Variants in SEMA3A observed in about 807,000 individuals in gnomAD.
SEMA3A encodes semaphorin-3A.
SEMA3A carries 29 observed loss-of-function variants against 97.9 expected under a neutral mutation model. The observed-to-expected ratio is 0.30, with a 90% CI of 0.22 to 0.40. The LOEUF is 0.40. SEMA3A is among the 10% of genes least tolerant of loss of function. The probability of loss-of-function intolerance (pLI) is 1.00; values close to 1 mark genes in which losing one functional copy is unlikely to be tolerated. For synonymous variants in SEMA3A, 321 were observed against 323.7 expected (o/e 0.99, Z 0.09); for missense variants, 763 against 951.3 (o/e 0.80, Z 2.60).
chr7:84,281,702 A>G (rs79261620), intron 3 of SEMA3A, among the ~76,000 whole-genome samples: 4,161 of 152,258 alleles, frequency 0.027, 195 homozygotes, highest in African/African-American at 0.094. Context: ...CAGTAGGTTC[A>G]AATTCCATCT....
intron 1 of SEMA3A, among the ~76,000 whole-genome samples, chr7:84,400,035 A>C (rs140599772): frequency 2.0e-5 from 3 of 152,304 alleles, no homozygotes; most frequent in Non-Finnish European, 2.9e-5. Flanking sequence ...AGGGCTGGGC[A>C]TTTAGGAGTC....
At chr7:84,349,853 T>A (rs528320904) in intron 2 of SEMA3A, among the ~76,000 whole-genome samples, 1 of 152,278 alleles carries the variant, frequency 6.6e-6, no homozygotes, top group South Asian at 2.1e-4. Context: ...CTCATATATA[T>A]CTATGACTTC....
chr7:84,463,163 C>T (rs1178037752), intron 1 of SEMA3A, among the ~76,000 whole-genome samples: 3 of 149,858 alleles, frequency 2.0e-5, no homozygotes, highest in Admixed American at 6.6e-5. Context: ...CTACATTCTG[C>T]GTGCATTATT....
At chr7:84,424,343 A>C (rs1301305751) in intron 1 of SEMA3A, among the ~76,000 whole-genome samples, 1 of 141,286 alleles carries the variant, frequency 7.1e-6, no homozygotes, top group Non-Finnish European at 1.5e-5. Flanking sequence ...TATACAATAA[A>C]TATTATATAT....
rs555689325 is a variant in SEMA3A at position 84,110,693 on chromosome 7, C to CT, written c.334-105dup. On this transcript the variant is annotated intron_variant, in intron 3 of 16. Coordinates refer to ENST00000265362, the MANE Select transcript of SEMA3A (RefSeq NM_006080.3). ...AACAGATTTGTCTTTTGTTTTCTTTCTTTTTTTTTTTTTGGCATCCCTTTC... is the reference window on the plus strand; with the variant it reads ...AACAGATTTGTCTTTTGTTTTCTTTCTTTTTTTTTTTTTTGGCATCCCTTTC... 19,640 of 1,047,596 alleles carry CT rather than the reference C, an allele frequency of 0.019. 112 individuals are homozygous for CT. Among genetic ancestry groups the CT allele is most frequent in the African/African-American group, 0.083 (4,747 of 57,336 alleles). 64.9% of individuals were successfully genotyped at this position (1,047,596 alleles called of 1,614,324 possible). A position where few individuals can be genotyped will look rare whatever the true frequency, so the allele number is the denominator to read the frequency against.
intron 1 of SEMA3A, chr7:84,489,130 A>G (rs116577092): frequency 0.023 from 3,549 of 152,484 alleles, 147 homozygotes; most frequent in East Asian, 0.16. Flanking sequence ...CAGGAAGCTT[A>G]CAATAATGGC....
chr7:84,256,071 T>C (rs1799714507), intron 3 of SEMA3A, among the ~76,000 whole-genome samples: 1 of 152,078 alleles, frequency 6.6e-6, no homozygotes, highest in Non-Finnish European at 1.5e-5. Context: ...CACTTAAGTC[T>C]CTGTATGTTT....
At chr7:84,203,182 T>C (rs1798396357) in intron 3 of SEMA3A, among the ~76,000 whole-genome samples, 1 of 152,094 alleles carries the variant, frequency 6.6e-6, no homozygotes. Context: ...AAGCCTTGCA[T>C]AATACATCAC....
At chr7:84,405,819 A>C (rs1204364885) in intron 1 of SEMA3A, among the ~76,000 whole-genome samples, 3 of 152,212 alleles carry the variant, frequency 2.0e-5, no homozygotes, top group Non-Finnish European at 4.4e-5. Context: ...AACAAAATGA[A>C]GGCAGAAATA....
chr7:84,062,951 C>T (rs1482576317), intron 4 of SEMA3A, among the ~76,000 whole-genome samples: 1 of 151,974 alleles, frequency 6.6e-6, no homozygotes, highest in African/African-American at 2.4e-5. Flanking sequence ...TCTGTAGGCT[C>T]CACCTCTGGG....
At chr7:84,258,135 T>C (rs1420862951) in intron 3 of SEMA3A, among the ~76,000 whole-genome samples, 1 of 152,182 alleles carries the variant, frequency 6.6e-6, no homozygotes, top group Non-Finnish European at 1.5e-5. Context: ...AGCACATTAC[T>C]GGTTCCCCTT....
intron 4 of SEMA3A, among the ~76,000 whole-genome samples, chr7:84,086,555 AT>A (rs1794371160): frequency 2.6e-5 from 2 of 78,350 alleles, no homozygotes; most frequent in South Asian, 3.3e-4. Flanking sequence ...TACATATAAT[AT>A]ATTATTATAT....
intron 3 of SEMA3A, among the ~76,000 whole-genome samples, chr7:84,281,912 G>A (rs1442381679): frequency 6.6e-6 from 1 of 152,146 alleles, no homozygotes; most frequent in South Asian, 2.1e-4. Context: ...TTTTGATAGT[G>A]CTGAGATGTT....
chr7:84,064,060 C>G (rs1188859421), intron 4 of SEMA3A, among the ~76,000 whole-genome samples: 1 of 152,200 alleles, frequency 6.6e-6, no homozygotes, highest in Non-Finnish European at 1.5e-5. Context: ...ATCAGACTAA[C>G]AGCTGATCGC....
At chr7:84,453,290 C>T (rs898080351) in intron 1 of SEMA3A, among the ~76,000 whole-genome samples, 2 of 147,750 alleles carry the variant, frequency 1.4e-5, no homozygotes, top group Non-Finnish European at 3.0e-5. Context: ...GGCTGGAGTG[C>T]AGTGGCGCAA....
intron 1 of SEMA3A, among the ~76,000 whole-genome samples, chr7:84,428,409 T>A (rs1229829075): frequency 1.3e-5 from 2 of 152,070 alleles, no homozygotes; most frequent in Non-Finnish European, 2.9e-5. Flanking sequence ...CATAATCACA[T>A]CAAATTTCAT....
At chr7:84,326,309 A>G (rs1425868982) in intron 2 of SEMA3A, among the ~76,000 whole-genome samples, 1 of 152,140 alleles carries the variant, frequency 6.6e-6, no homozygotes, top group Non-Finnish European at 1.5e-5. Context: ...TTCTAAATTG[A>G]TTAATTCTAT....
chr7:84,477,202 G>A (rs1235295), intron 1 of SEMA3A, among the ~76,000 whole-genome samples: 27,075 of 150,346 alleles, frequency 0.18, 2,625 homozygotes, highest in Middle Eastern at 0.24. Flanking sequence ...ACTTTGGGGT[G>A]CCGAGGTGGG....
Position 83,964,255 on chromosome 7 carries a change from A to G in SEMA3A, c.1718-908T>C, listed in dbSNP as rs867152281. On this transcript the variant is annotated intron_variant, in intron 15 of 16. Transcript: ENST00000265362. ...TCTTATCTTGCATAATCCTGTTTCC[A>G]TTATGACATCCTGTACAATCTGAAA... 1.4e-4 allele frequency among the ~76,000 whole-genome samples: 21 copies of G among 152,290 alleles called. No homozygotes were observed. The Middle Eastern group carries it at 0.01, about 74-fold the overall frequency.
Sources: allele counts gnomAD v4.1 joint callset (sites outside exome capture counted in the v4.1 genomes callset), GRCh38; gene constraint gnomAD v4.1.1; transcripts MANE v1.5; gene names NCBI Gene and HGNC (gene_info 2026-07-23, HGNC 2026-07-21).